The following RADIL variants were observed in gnomAD, a reference collection of about 807,000 sequenced individuals.
RADIL encodes the protein ras-associating and dilute domain-containing protein.
In RADIL, 99 loss-of-function variants were observed where a neutral mutation model predicts 97.6. That is an observed-to-expected ratio of 1.01 (90% confidence interval 0.86 to 1.20). The LOEUF is 1.20. Among genes scored for constraint, RADIL ranks in the 50% most tolerant of loss-of-function variants. The pLI is 0.00. For synonymous variants in RADIL, 803 were observed against 691.8 expected, an observed-to-expected ratio of 1.16 and a Z score of -2.52; for missense variants, 1,765 against 1,498.9, an observed-to-expected ratio of 1.18 and a Z score of -2.93.
At chr7:4,839,564 T>C (rs1783391321) in intron 2 of RADIL, among the ~76,000 whole-genome samples, 1 of 152,196 alleles carries the variant, frequency 6.6e-6, no homozygotes, top group Non-Finnish European at 1.5e-5. Flanking sequence ...TGCCAGTATG[T>C]AACAGAATAT....
Position 4,861,706 on chromosome 7 carries a change from C to T in RADIL, c.535+15899G>A, listed in dbSNP as rs895953154. 2.5e-6 allele frequency: 4 copies of T among 1,572,906 alleles called. No homozygotes were observed. In the African/African-American group the frequency reaches 5.5e-5, roughly 22 times the overall value. ...TTAGCCTCTGGGTGAGGAGGCAGTC[C>T]GTCTCCTTGGGGACCGCTAGACTGA... is the stretch of plus-strand genomic sequence containing the variant. On this transcript the variant is annotated intron_variant, in intron 2 of 14. Transcript: ENST00000399583.
intron 2 of RADIL, chr7:4,865,706 T>G (rs1195138516): frequency 2.9e-6 from 3 of 1,018,768 alleles, no homozygotes; most frequent in Non-Finnish European, 4.7e-6. Context: ...GCATCTGTGA[T>G]TCCATCTTCT....
chr7:4,811,589 G>A (rs1010419906), intron 9 of RADIL, among the ~76,000 whole-genome samples: 8 of 137,840 alleles, frequency 5.8e-5, no homozygotes, highest in South Asian at 2.5e-4. Context: ...CCGGGTTCAC[G>A]CCATTCTCCT....
chr7:4,876,120 C>G (rs989164081), intron 2 of RADIL, among the ~76,000 whole-genome samples: 2 of 152,106 alleles, frequency 1.3e-5, no homozygotes, highest in African/African-American at 2.4e-5. Context: ...TCCTGAGGAG[C>G]TGGGACCATA....
At chr7:4,877,357 C>T (rs1477098381) in intron 2 of RADIL, among the ~76,000 whole-genome samples, 1 of 152,224 alleles carries the variant, frequency 6.6e-6, no homozygotes, top group Non-Finnish European at 1.5e-5. Context: ...GGGAGGATCG[C>T]TTGAGCCCAG....
intron 2 of RADIL, among the ~76,000 whole-genome samples, chr7:4,876,670 GAC>G (rs1181339625): frequency 4.6e-5 from 7 of 152,200 alleles, no homozygotes; most frequent in Non-Finnish European, 1.0e-4. Context: ...TAAATCACCA[GAC>G]ACAGTGGGCC....
chr7:4,866,084 T>C, intron 2 of RADIL, among the ~76,000 whole-genome samples: 1 of 152,196 alleles, frequency 6.6e-6, no homozygotes, highest in Admixed American at 6.5e-5. Flanking sequence ...TCATTAACGA[T>C]GCATGACTGT....
At chr7:4,836,261 C>T (rs868326963) in intron 3 of RADIL, 97 bp downstream of exon 3, 3 of 1,518,950 alleles carry the variant, frequency 2.0e-6, no homozygotes, top group East Asian at 2.5e-5. Flanking sequence ...AGCTCGCGGC[C>T]GACTGGGCTA....
chr7:4,876,310 T>C (rs73318140), intron 2 of RADIL, among the ~76,000 whole-genome samples: 14,272 of 151,550 alleles, frequency 0.094, 1,162 homozygotes, highest in African/African-American at 0.22. Context: ...ATTTATTTAT[T>C]TATATTTGAG....
intron 2 of RADIL, among the ~76,000 whole-genome samples, chr7:4,846,828 T>G (rs979904327): frequency 8.5e-5 from 13 of 152,144 alleles, no homozygotes; most frequent in South Asian, 8.3e-4. Context: ...ATTATAGGCA[T>G]GAGCCACCGT....
chr7:4,809,894 C>T (rs1782490040), intron 9 of RADIL, among the ~76,000 whole-genome samples: 2 of 152,122 alleles, frequency 1.3e-5, no homozygotes, highest in Non-Finnish European at 1.5e-5. Context: ...GCTCTGTCAC[C>T]CAGGCTGGAG....
chr7:4,877,615 G>T lies in RADIL; in HGVS notation c.525C>A (p.Thr175=). 1 of 1,598,862 alleles carries T rather than the reference G, an allele frequency of 6.3e-7. No homozygotes were observed. Residue 175 remains threonine (T), a synonymous_variant, in exon 2 of 15, where the codon ACC becomes ACA. Coordinates refer to ENST00000399583, the MANE Select transcript of RADIL (RefSeq NM_018059.5). ...TGTGGCCCCCCTCACCTGCCGTGAT[G>T]GTGTCCACCTCCTTGGCTGCCAGCT... The part of the protein sequence containing the change: ...VEELAAKEVD[T]ITAGINAQAR...
At chr7:4,802,274 C>T (rs970023665) in intron 11 of RADIL, among the ~76,000 whole-genome samples, 3 of 150,070 alleles carry the variant, frequency 2.0e-5, no homozygotes, top group African/African-American at 7.6e-5. Flanking sequence ...TCCCGGGCAC[C>T]TCGGGGCACG....
chr7:4,841,594 C>T lies in RADIL; in HGVS notation c.536-4989G>A, dbSNP rs1783441069. ...CCCTACTGCCCCGTGTTGATCCACT[C>T]TAGTGGAGAGGCAGAAAAGCAACCC... On this transcript the variant is annotated intron_variant, in intron 2 of 14. Transcript: ENST00000399583. Among the ~76,000 whole-genome samples, 3 of 152,156 alleles carry T rather than the reference C, an allele frequency of 2.0e-5. No individual in the cohort carries two copies. In the South Asian group the frequency reaches 6.2e-4, roughly 32 times the overall value.
At chr7:4,827,524 G>C (rs1335623230) in intron 5 of RADIL, among the ~76,000 whole-genome samples, 2 of 152,010 alleles carry the variant, frequency 1.3e-5, no homozygotes, top group Non-Finnish European at 2.9e-5. Context: ...AGCCGGGCGT[G>C]GTTGCAGGCG....
intron 9 of RADIL, chr7:4,808,693 A>T (rs1241174399): frequency 1.2e-6 from 1 of 837,052 alleles, no homozygotes; most frequent in Admixed American, 9.5e-5. Context: ...CCCCGTTCCA[A>T]CGCCACTGCC....
Position 4,834,721 on chromosome 7 carries a change from C to T in RADIL, c.1302G>A (p.Leu434=). 2 of 1,410,668 alleles carry T rather than the reference C, an allele frequency of 1.4e-6. No homozygotes were observed. Among genetic ancestry groups the T allele is most frequent in the Admixed American group, 2.6e-5 (1 of 38,036 alleles). 87.4% of individuals were successfully genotyped at this position (1,410,668 alleles called of 1,614,324 possible). A position where few individuals can be genotyped will look rare whatever the true frequency, so the allele number is the denominator to read the frequency against. ...LIEPGGDDHK[L]TPAFLLCLCI... is the part of the protein sequence containing the mutation. Reference sequence around the variant, plus strand: ...AGAGGCACAGGAGGAAGGCGGGGGTCAGCTTGTGGTCGTCGCCCCCCGGCT... The same window carrying T: ...AGAGGCACAGGAGGAAGGCGGGGGTTAGCTTGTGGTCGTCGCCCCCCGGCT... Residue 434 remains leucine, a synonymous_variant, in exon 4 of 15, where the codon CTG becomes CTA. Transcript: ENST00000399583. The surrounding 1 kb of genome is among the most constrained non-coding windows in gnomAD (Gnocchi z 6.0).
In RADIL at chr7:4,878,051, C is replaced by A; in HGVS notation, c.89G>T (p.Arg30Leu). The change falls in exon 2 of 15, where the codon CGG (arginine) becomes CTG (leucine). Residue 30 changes from arginine (R) to leucine (L), a missense_variant. Transcript: ENST00000399583. The surrounding 1 kb of genome is among the most constrained non-coding windows in gnomAD (Gnocchi z 4.1). ...GTCCCGGTACTTGTAGCTCAGCGTCCGGGACAGCATGCTGGACAACAGCTG... is the reference window on the plus strand; with the variant it reads ...GTCCCGGTACTTGTAGCTCAGCGTCAGGGACAGCATGCTGGACAACAGCTG... Reference protein sequence around the residue: ...QSQLLSSMLSRTLSYKYRDLD... With the variant: ...QSQLLSSMLSLTLSYKYRDLD... The A allele has an allele frequency of 6.2e-7, 1 of 1,604,192 alleles. No homozygotes were observed. The highest frequency in any genetic ancestry group is 8.5e-7 in the Non-Finnish European group (1 of 1,176,476).
intron 5 of RADIL, among the ~76,000 whole-genome samples, chr7:4,825,198 G>A (rs958562597): frequency 1.3e-5 from 2 of 152,216 alleles, no homozygotes; most frequent in African/African-American, 4.8e-5. Context: ...TCTAGAAGAG[G>A]GCAGAGGGGA....
Sources: gnomAD v4.1 joint callset for allele counts (sites outside exome capture counted in the v4.1 genomes callset) on GRCh38, gnomAD v4.1.1 for gene constraint, Gnocchi (gnomAD v3.1) non-coding constraint, MANE v1.5 for transcripts, NCBI Gene and HGNC (gene_info 2026-07-23, HGNC 2026-07-21) for gene names.